Variants in CACHD1 observed in about 807,000 individuals in gnomAD.
CACHD1 encodes VWFA and cache domain-containing protein 1.
In CACHD1, 71 loss-of-function variants were observed where a neutral mutation model predicts 138.7. That is an observed-to-expected ratio of 0.51 (90% CI 0.42 to 0.62). The LOEUF is 0.62. CACHD1 is among the 20% of genes least tolerant of loss of function. The pLI is 0.00. For missense variants in CACHD1, 1,389 were observed against 1,625.3 expected (o/e 0.85, Z 2.50); for synonymous variants, 578 against 591.5 (o/e 0.98, Z 0.33).
chr1:64,642,002 C>A, intron 8 of CACHD1, 33 bp downstream of exon 8: 1 of 1,507,102 alleles, frequency 6.6e-7, no homozygotes, highest in South Asian at 1.3e-5. Context: ...CCTTTCAGAT[C>A]AAAGATCCCT....
chr1:64,515,990 A>G (rs1646456437), intron 1 of CACHD1, among the ~76,000 whole-genome samples: 1 of 152,184 alleles, frequency 6.6e-6, no homozygotes. Context: ...CATAGTTTGG[A>G]AAGGAAGTGG....
chr1:64,608,475 A>C (rs2100590738), intron 4 of CACHD1, among the ~76,000 whole-genome samples: 1 of 152,344 alleles, frequency 6.6e-6, no homozygotes, highest in African/African-American at 2.4e-5. Context: ...CTAATTGATA[A>C]CACAGTTTCA....
intron 2 of CACHD1, among the ~76,000 whole-genome samples, chr1:64,566,102 C>G (rs1646878540): frequency 6.6e-6 from 1 of 152,150 alleles, no homozygotes. Context: ...AATTGCATCT[C>G]TCTTTAGTTT....
chr1:64,677,704 A>G (rs1650042240), intron 22 of CACHD1, among the ~76,000 whole-genome samples: 1 of 152,218 alleles, frequency 6.6e-6, no homozygotes, highest in Non-Finnish European at 1.5e-5. Flanking sequence ...GACAGTCACA[A>G]TGCATGTAAT....
intron 26 of CACHD1, among the ~76,000 whole-genome samples, chr1:64,689,173 G>A (rs557314074): frequency 6.6e-6 from 1 of 152,332 alleles, no homozygotes; most frequent in Non-Finnish European, 1.5e-5. Flanking sequence ...GGACACATAT[G>A]TCAGTGAACA....
At chr1:64,514,215 A>G (rs192371139) in intron 1 of CACHD1, among the ~76,000 whole-genome samples, 3 of 152,346 alleles carry the variant, frequency 2.0e-5, no homozygotes, top group Non-Finnish European at 2.9e-5. Flanking sequence ...AGAATTCTCC[A>G]GGGTCTTCAG....
At chr1:64,676,557 C>T (rs1404510205) in intron 21 of CACHD1, among the ~76,000 whole-genome samples, 1 of 152,128 alleles carries the variant, frequency 6.6e-6, no homozygotes, top group African/African-American at 2.4e-5. Flanking sequence ...CAACCTCTAC[C>T]TCCAAAGCTC....
At chr1:64,597,524 G>GTTGTTTTTTTTTTTTT (rs1647164397) in intron 3 of CACHD1, among the ~76,000 whole-genome samples, 1 of 80,400 alleles carries the variant, frequency 1.2e-5, no homozygotes, top group Non-Finnish European at 2.4e-5. Context: ...TTTTTTTGTT[G>GTTGTTTTTTTTTTTTT]TTTTTTTTTT....
rs116542585 is a variant in CACHD1, at chr1:64,561,982, C to T, written c.261+11326C>T. ...TAAAAATGTTCCACTGTCTGCTGGA[C>T]TCTGTAGTTTCTGATGATAAATCAG... On this transcript the variant is annotated intron_variant, in intron 2 of 26. Transcript: ENST00000651257. Among the ~76,000 whole-genome samples, 990 of 151,832 alleles carry T rather than the reference C, an allele frequency of 6.5e-3. 14 individuals are homozygous for T. The highest frequency in any genetic ancestry group is 0.023 in the African/African-American group (948 of 41,408).
intron 2 of CACHD1, among the ~76,000 whole-genome samples, chr1:64,557,045 C>T (rs911864156): frequency 3.3e-5 from 5 of 151,554 alleles, no homozygotes; most frequent in African/African-American, 7.3e-5. Context: ...CGCGTGAGCC[C>T]GGGAGGCGGA....
intron 2 of CACHD1, chr1:64,579,930 A>G (rs1398441847): frequency 6.5e-6 from 1 of 153,304 alleles, no homozygotes; most frequent in African/African-American, 2.4e-5. Flanking sequence ...AAAAAAAAAA[A>G]ACAGCATCAA....
rs1229149050 is a variant in CACHD1, at chr1:64,647,768, T to C, written c.1157-33T>C. The C allele has an allele frequency of 3.8e-6, 6 of 1,597,030 alleles. No individual in the cohort carries two copies. The South Asian group carries it at 5.5e-5, about 15-fold the overall frequency. On this transcript the variant is annotated intron_variant, in intron 8 of 26. Transcript: ENST00000651257. ...GTTGAATGGATATAAACCATTTTGC[T>C]TTCCGTGGTCTTCTCTCGGCTTTCC...
intron 2 of CACHD1, among the ~76,000 whole-genome samples, chr1:64,576,687 A>T (rs563074196): frequency 6.6e-6 from 1 of 152,104 alleles, no homozygotes; most frequent in African/African-American, 2.4e-5. Context: ...ACTGGGCATC[A>T]CAGTGTTCTC....
intron 26 of CACHD1, 97 bp from the exon 27 acceptor site, chr1:64,691,226 G>A: frequency 9.1e-7 from 1 of 1,097,826 alleles, no homozygotes; most frequent in Non-Finnish European, 1.4e-6. Context: ...GTATTGCAAA[G>A]ACAGGAATAC....
At chr1:64,641,685 C>G in intron 7 of CACHD1, 135 bp from the exon 8 acceptor site, 1 of 563,794 alleles carries the variant, frequency 1.8e-6, no homozygotes, top group Middle Eastern at 2.7e-4. Context: ...GCCACAGCAT[C>G]AAACAGGAGG....
intron 2 of CACHD1, among the ~76,000 whole-genome samples, chr1:64,553,506 A>G (rs536355187): frequency 1.1e-4 from 16 of 152,348 alleles, no homozygotes; most frequent in Non-Finnish European, 1.5e-4. Flanking sequence ...GTTATTAGCA[A>G]TGTTCAGAAA....
Position 64,678,156 on chromosome 1 carries a change from C to A in CACHD1, c.3093-3C>A. 2 of 1,609,110 alleles carry A rather than the reference C, an allele frequency of 1.2e-6. No homozygotes were observed. Among genetic ancestry groups the A allele is most frequent in the Non-Finnish European group, 1.7e-6 (2 of 1,178,070 alleles). On this transcript the variant is annotated splice_polypyrimidine_tract_variant and splice_region_variant and intron_variant, in intron 22 of 26. Transcript: ENST00000651257. ...AGAAGACTAAGTATTGTTTTTCTGG[C>A]AGGGACTGTTTTGGGGTGCTGGATT...
intron 13 of CACHD1, among the ~76,000 whole-genome samples, chr1:64,661,098 A>G (rs1251306802): frequency 6.6e-6 from 1 of 152,188 alleles, no homozygotes; most frequent in Non-Finnish European, 1.5e-5. Context: ...GTTGGCAATG[A>G]AAATGAACCA....
chr1:64,477,726 C>T (rs1300989141), intron 1 of CACHD1, among the ~76,000 whole-genome samples: 1 of 151,246 alleles, frequency 6.6e-6, no homozygotes, highest in African/African-American at 2.4e-5. Flanking sequence ...GCTCTGCTTC[C>T]CGGGTTCATG....
Sources: allele counts gnomAD v4.1 joint callset (sites outside exome capture counted in the v4.1 genomes callset), GRCh38; gene constraint gnomAD v4.1.1; transcripts MANE v1.5; gene names NCBI Gene and HGNC (gene_info 2026-07-23, HGNC 2026-07-21).